CRTC3: variants seen among roughly 807,000 people sequenced by gnomAD.
CRTC3 encodes CREB-regulated transcription coactivator 3.
A neutral mutation model predicts 74.5 loss-of-function variants in CRTC3; 26 were observed. That is an observed-to-expected ratio of 0.35 (90% confidence interval 0.26 to 0.48). CRTC3 has a LOEUF of 0.48. Ranked by LOEUF, CRTC3 falls within the 20% of genes least tolerant of loss-of-function variation. CRTC3 has a pLI of 0.99. For missense variants in CRTC3, 760 were observed against 787.3 expected (o/e 0.97, Z 0.41); for synonymous variants, 377 against 325.8 (o/e 1.16, Z -1.69).
At chr15:90,551,320 T>C (rs1596077206) in intron 2 of CRTC3, among the ~76,000 whole-genome samples, 2 of 88,980 alleles carry the variant, frequency 2.2e-5, no homozygotes, top group East Asian at 5.7e-4. Context: ...TCTTTATCAC[T>C]TTCTACCTCT....
At chr15:90,608,840 T>A (rs1399584102) in intron 6 of CRTC3, among the ~76,000 whole-genome samples, 1 of 152,208 alleles carries the variant, frequency 6.6e-6, no homozygotes, top group Non-Finnish European at 1.5e-5. Flanking sequence ...GTGAGGCTGG[T>A]CATTCAGACA....
chr15:90,538,879 C>T (rs1432364272), intron 1 of CRTC3, among the ~76,000 whole-genome samples: 2 of 151,630 alleles, frequency 1.3e-5, no homozygotes, highest in African/African-American at 4.8e-5. Context: ...GGCTGACAGC[C>T]GTGGCTCAGC....
At chr15:90,606,454 C>G (rs1219576868) in intron 5 of CRTC3, among the ~76,000 whole-genome samples, 1 of 151,720 alleles carries the variant, frequency 6.6e-6, no homozygotes, top group Non-Finnish European at 1.5e-5. Flanking sequence ...CCCAGCTACA[C>G]GGGAGGCTGA....
rs150336157 is a variant in CRTC3, at chr15:90,534,087, G to C, written c.132+3884G>C. ...TTTAAAAGATTCCTCTAGCTCCAGC[G>C]TGGTGGGTAGAAGAGAGGAGGAGGA... On this transcript the variant is annotated intron_variant, in intron 1 of 14. Transcript: ENST00000268184. Among the ~76,000 whole-genome samples the C allele has an allele frequency of 2.8e-4, 43 of 152,272 alleles. No homozygotes were observed. In the Middle Eastern group the frequency reaches 0.01, roughly 36 times the overall value.
intron 1 of CRTC3, chr15:90,539,660 G>A (rs1966772416): frequency 3.9e-6 from 1 of 256,298 alleles, no homozygotes; most frequent in Non-Finnish European, 7.5e-6. Flanking sequence ...GTAAACGGAG[G>A]CTGGAAAAGA....
intron 2 of CRTC3, among the ~76,000 whole-genome samples, chr15:90,580,108 C>T (rs558872956): frequency 6.6e-6 from 1 of 152,134 alleles, no homozygotes; most frequent in East Asian, 1.9e-4. Flanking sequence ...TTTTAGGGTA[C>T]CAGGTAAGGA....
chr15:90,573,191 T>G (rs1318272794), intron 2 of CRTC3, among the ~76,000 whole-genome samples: 1 of 152,222 alleles, frequency 6.6e-6, no homozygotes, highest in Non-Finnish European at 1.5e-5. Context: ...CTTAGCATAA[T>G]GGGTAGAAAC....
intron 2 of CRTC3, among the ~76,000 whole-genome samples, chr15:90,546,285 T>C (rs1966844185): frequency 6.6e-6 from 1 of 152,194 alleles, no homozygotes; most frequent in South Asian, 2.1e-4. Flanking sequence ...TCTAGAACCA[T>C]TTGATGAAGA....
intron 13 of CRTC3, among the ~76,000 whole-genome samples, chr15:90,640,018 C>T (rs116724116): frequency 0.028 from 4,290 of 151,962 alleles, 213 homozygotes; most frequent in African/African-American, 0.096. Flanking sequence ...CACTGCACTT[C>T]AGTCTGGACA....
rs1029976234 is a variant in CRTC3 at position 90,619,745 on chromosome 15, A to G, written c.704A>G (p.Gln235Arg). 3.1e-6 allele frequency: 5 copies of G among 1,613,570 alleles called. No homozygotes were observed. In the African/African-American group the frequency reaches 4.0e-5, roughly 13 times the overall value. Reference protein sequence around the residue: ...PKQLWETKEIQSLSGRPRSCD... With the variant: ...PKQLWETKEIRSLSGRPRSCD... ...GCTTTCATTGTCTCTTCTCAGATTC[A>G]GTCCCTGTCAGGACGCCCTCGATCC... Residue 235 changes from glutamine to arginine, a missense_variant, in exon 9 of 15, where the codon CAG becomes CGG. Coordinates refer to ENST00000268184, the MANE Select transcript of CRTC3 (RefSeq NM_022769.5).
chr15:90,631,680 G>C (rs1214320591), intron 11 of CRTC3, among the ~76,000 whole-genome samples: 1 of 148,584 alleles, frequency 6.7e-6, no homozygotes, highest in Non-Finnish European at 1.5e-5. Context: ...AGTGAGCCAG[G>C]ATTGCACCAC....
At position 90,604,464 on chromosome 15, in the gene CRTC3, C is replaced by G. The variant is rs199592394; in HGVS notation, c.476+17C>G. On this transcript the variant is annotated intron_variant, in intron 5 of 14. Transcript: ENST00000268184. ...ACTTAACAGGTACATGGGTTGTTTC[C>G]TGGTAGGAGTAGATTTTAAAGCAAT... The G allele has an allele frequency of 4.5e-5, 72 of 1,593,176 alleles. No homozygotes were observed. Among genetic ancestry groups the G allele is most frequent in the African/African-American group, 6.7e-5 (5 of 74,410 alleles).
chr15:90,612,320 G>C lies in CRTC3; in HGVS notation c.578-2133G>C, dbSNP rs543971286. On this transcript the variant is annotated intron_variant, in intron 6 of 14. Transcript: ENST00000268184. ...ATGAGATCACCTGTGTAAAGCGCCTGGCACATAGTAAGTGAGCAGTCAGGT... is the reference window on the plus strand; with the variant it reads ...ATGAGATCACCTGTGTAAAGCGCCTCGCACATAGTAAGTGAGCAGTCAGGT... Among the ~76,000 whole-genome samples, 12 of 152,142 alleles carry C rather than the reference G, an allele frequency of 7.9e-5. No homozygotes were observed. The East Asian group carries it at 2.1e-3, about 27-fold the overall frequency.
At chr15:90,548,080 A>G (rs1404046139) in intron 2 of CRTC3, among the ~76,000 whole-genome samples, 1 of 151,550 alleles carries the variant, frequency 6.6e-6, no homozygotes, top group Non-Finnish European at 1.5e-5. Context: ...GTAGAGATAG[A>G]GTTTCACTAT....
intron 3 of CRTC3, 174 bp downstream of exon 3, chr15:90,593,929 G>T: frequency 1.8e-6 from 1 of 559,646 alleles, no homozygotes; most frequent in Non-Finnish European, 2.9e-6. Flanking sequence ...TCAACATTTG[G>T]AAACATCATT....
intron 1 of CRTC3, among the ~76,000 whole-genome samples, chr15:90,531,365 A>C (rs1053475409): frequency 2.6e-5 from 4 of 152,056 alleles, no homozygotes; most frequent in Non-Finnish European, 5.9e-5. Flanking sequence ...AGCTGAGCTG[A>C]GCTCCCTTTC....
chr15:90,641,894 C>T (rs1016059650), intron 14 of CRTC3, 38 bp from the exon 15 acceptor site: 1 of 1,597,872 alleles, frequency 6.3e-7, no homozygotes. Flanking sequence ...TTCGCGCCTC[C>T]TAACCGCACT....
chr15:90,623,720 C>G (rs554269080), intron 9 of CRTC3, among the ~76,000 whole-genome samples: 1 of 152,310 alleles, frequency 6.6e-6, no homozygotes, highest in South Asian at 2.1e-4. Flanking sequence ...CTGCCCACCC[C>G]GCGTCCAGCC....
chr15:90,574,293 A>G (rs1056377653), intron 2 of CRTC3, among the ~76,000 whole-genome samples: 4 of 152,276 alleles, frequency 2.6e-5, no homozygotes, highest in Non-Finnish European at 5.9e-5. Context: ...CCTGGTCAAC[A>G]TGGTGAAACC....
Sources: allele counts gnomAD v4.1 joint callset (sites outside exome capture counted in the v4.1 genomes callset), GRCh38; gene constraint gnomAD v4.1.1; transcripts MANE v1.5; gene names NCBI Gene and HGNC (gene_info 2026-07-23, HGNC 2026-07-21).